Variants in SPRY3 observed in about 807,000 individuals in gnomAD.
SPRY3 encodes sprouty RTK signaling antagonist 3, also known as protein sprouty homolog 3.
In SPRY3, 15 loss-of-function variants were observed where a neutral mutation model predicts 20.2. The ratio of observed to expected loss-of-function variants is 0.74; its 90% CI spans 0.50 to 1.14. The LOEUF is 1.14. SPRY3 is among the 50% of genes most tolerant of loss of function. The probability of loss-of-function intolerance (pLI) is 0.00; values close to 1 mark genes in which losing one functional copy is unlikely to be tolerated. For missense variants in SPRY3, 364 were observed against 363.9 expected (o/e 1.00, Z 0.00); for synonymous variants, 143 against 136.5 (o/e 1.05, Z -0.33).
intron 2 of SPRY3, among the ~76,000 whole-genome samples, chrX:155,742,905 C>G (rs948028477): frequency 2.6e-5 from 4 of 152,036 alleles, no homozygotes; most frequent in Non-Finnish European, 5.9e-5. Flanking sequence ...AATCAACAAC[C>G]TAACATCACA....
chrX:155,735,522 T>A (rs1245517590), intron 2 of SPRY3, among the ~76,000 whole-genome samples: 1 of 152,064 alleles, frequency 6.6e-6, no homozygotes, highest in African/African-American at 2.4e-5. Flanking sequence ...TGAAGGATTG[T>A]TGTTTCTTCT....
exon 4 of SPRY3, chrX:155,774,884 A>T (rs2091413839): frequency 2.3e-6 from 2 of 887,158 alleles, no homozygotes; most frequent in Non-Finnish European, 3.5e-6. Flanking sequence ...GGAATGACCA[A>T]GTACATCCTG....
At chrX:155,662,697 A>AAAAC (rs1557353839) in intron 2 of SPRY3, among the ~76,000 whole-genome samples, 1 of 109,131 alleles carries the variant, frequency 9.2e-6, no homozygotes, top group African/African-American at 3.3e-5. Context: ...AAAAAAAAAA[A>AAAAC]AAAAAACTCT....
At chrX:155,744,847 T>G (rs192243850) in intron 2 of SPRY3, among the ~76,000 whole-genome samples, 6 of 152,140 alleles carry the variant, frequency 3.9e-5, no homozygotes, top group Admixed American at 3.9e-4. Context: ...AGGTAATGCT[T>G]AGATTTTTCA....
At chrX:155,769,258 A>C (rs2091366563) in intron 3 of SPRY3, among the ~76,000 whole-genome samples, 1 of 152,198 alleles carries the variant, frequency 6.6e-6, no homozygotes, top group African/African-American at 2.4e-5. Context: ...GAAGATATTT[A>C]TTAAGAGTTG....
At chrX:155,650,756 G>A (rs1385179969) in intron 1 of SPRY3, among the ~76,000 whole-genome samples, 15 of 111,587 alleles carry the variant, frequency 1.3e-4, no homozygotes, top group African/African-American at 4.2e-4. Flanking sequence ...TCTGACATGC[G>A]GTTTGATGGA....
chrX:155,695,596 TATAC>T (rs1326640768), intron 2 of SPRY3, among the ~76,000 whole-genome samples: 3 of 111,103 alleles, frequency 2.7e-5, no homozygotes, highest in South Asian at 3.7e-4. Context: ...CAATTATACA[TATAC>T]TGAACATTTT....
In SPRY3 at chrX:155,760,020, T is replaced by C. The variant is rs1442440704; in HGVS notation, c.-281-7942T>C. On this transcript the variant is annotated intron_variant, in intron 2 of 3. Transcript: ENST00000675360. ...AAACTTTATGTGCTTTCTTCAAATA[T>C]AATGAATATTATGTTCTACATCTAT... Among the ~76,000 whole-genome samples the C allele has an allele frequency of 2.6e-5, 4 of 152,360 alleles. No individual in the cohort carries two copies. In the East Asian group the frequency reaches 7.7e-4, roughly 29 times the overall value.
chrX:155,696,530 C>A (rs1380716687), intron 2 of SPRY3, among the ~76,000 whole-genome samples: 3 of 111,708 alleles, frequency 2.7e-5, no homozygotes. Flanking sequence ...ATAATCTTTT[C>A]TCTTCTTGCA....
chrX:155,751,924 G>GAAATAAAATAAAATA (rs530878002), intron 2 of SPRY3, among the ~76,000 whole-genome samples: 2,677 of 121,672 alleles, frequency 0.022, 56 homozygotes, highest in Non-Finnish European at 0.032. Flanking sequence ...CAAGGGAAGG[G>GAAATAAAATAAAATA]AAATAAAATA....
downstream of SPRY3, chrX:155,779,375 A>G (rs1209712942): frequency 1.2e-5 from 2 of 166,988 alleles, no homozygotes; most frequent in African/African-American, 2.4e-5. Context: ...GAGATAACCT[A>G]CCACCTTTAA....
At chrX:155,645,157 A>T (rs1329274361) in intron 1 of SPRY3, among the ~76,000 whole-genome samples, 1 of 111,395 alleles carries the variant, frequency 9.0e-6, no homozygotes, top group East Asian at 2.9e-4. Flanking sequence ...CACAACTCTG[A>T]CTGGTGCACT....
chrX:155,728,427 A>C (rs1444060858), intron 2 of SPRY3, among the ~76,000 whole-genome samples: 3 of 152,214 alleles, frequency 2.0e-5, no homozygotes, highest in Non-Finnish European at 2.9e-5. Flanking sequence ...GGTGGAGTCT[A>C]TATAGGCAGT....
chrX:155,744,297 A>G (rs1303343239), intron 2 of SPRY3, among the ~76,000 whole-genome samples: 1 of 152,122 alleles, frequency 6.6e-6, no homozygotes, highest in Admixed American at 6.6e-5. Context: ...AATGAAGGCA[A>G]TGTCCTACCA....
chrX:155,755,395 A>C (rs1346430824), intron 2 of SPRY3, among the ~76,000 whole-genome samples: 1 of 151,988 alleles, frequency 6.6e-6, no homozygotes, highest in Non-Finnish European at 1.5e-5. Flanking sequence ...CATTAACCCT[A>C]ATGTAGAGAA....
At chrX:155,755,514 C>T (rs1334050094) in intron 2 of SPRY3, among the ~76,000 whole-genome samples, 1 of 152,024 alleles carries the variant, frequency 6.6e-6, no homozygotes, top group Non-Finnish European at 1.5e-5. Context: ...ACCTTTACCT[C>T]TCTTGGCCTC....
chrX:155,619,240 T>C (rs782733170), intron 1 of SPRY3, among the ~76,000 whole-genome samples: 4 of 111,544 alleles, frequency 3.6e-5, no homozygotes, highest in Non-Finnish European at 7.6e-5. Context: ...TTCATACTTT[T>C]GCCTATAGAT....
At chrX:155,640,766 T>C (rs868983535) in intron 1 of SPRY3, among the ~76,000 whole-genome samples, 19 of 112,133 alleles carry the variant, frequency 1.7e-4, no homozygotes, top group African/African-American at 6.1e-4. Flanking sequence ...GATTTTTGTA[T>C]GTTGATATTG....
intron 2 of SPRY3, among the ~76,000 whole-genome samples, chrX:155,718,730 C>T (rs2091037357): frequency 6.6e-6 from 1 of 151,944 alleles, no homozygotes; most frequent in Non-Finnish European, 1.5e-5. Flanking sequence ...CAAACACACT[C>T]TGATGTATTA....
Sources: allele counts gnomAD v4.1 joint callset (sites outside exome capture counted in the v4.1 genomes callset), GRCh38; gene constraint gnomAD v4.1.1; transcripts MANE v1.5; gene names NCBI Gene and HGNC (gene_info 2026-07-23, HGNC 2026-07-21).